AK9: variants seen among roughly 807,000 people sequenced by gnomAD.
The protein encoded by AK9 is adenylate kinase domain containing 1.
In AK9, 191 loss-of-function variants were observed where a neutral mutation model predicts 239.6. The ratio of observed to expected loss-of-function variants is 0.80; its 90% CI spans 0.71 to 0.90. The LOEUF (loss-of-function observed/expected upper bound fraction) is 0.90. AK9 is among the 40% of genes least tolerant of loss of function. The pLI is 0.00. For synonymous variants in AK9, 689 were observed against 721.0 expected, an observed-to-expected ratio of 0.96 and a Z score of 0.71; for missense variants, 1,995 against 2,214.7, an observed-to-expected ratio of 0.90 and a Z score of 1.99.
At chr6:109,512,676 C>G (rs1413316936) in intron 32 of AK9, among the ~76,000 whole-genome samples, 2 of 152,180 alleles carry the variant, frequency 1.3e-5, no homozygotes, top group African/African-American at 4.8e-5. Context: ...GGAAATGTAT[C>G]CTATATCTGC....
intron 32 of AK9, among the ~76,000 whole-genome samples, chr6:109,510,035 T>G (rs944336795): frequency 1.3e-5 from 2 of 151,956 alleles, no homozygotes; most frequent in Non-Finnish European, 1.5e-5. Context: ...GGGCCATTGA[T>G]TCCTGGCAGA....
intron 20 of AK9, among the ~76,000 whole-genome samples, chr6:109,578,460 T>G (rs903937708): frequency 1.2e-4 from 19 of 152,334 alleles, no homozygotes; most frequent in African/African-American, 4.6e-4. Flanking sequence ...GCTTATCTTT[T>G]CAAAGAACCA....
At position 109,509,193 on chromosome 6, in the gene AK9, C is replaced by T; in HGVS notation, c.4467G>A (p.Val1489=). ...QALELSLMES[V]CNTAGVVIDG... ...CATTCACTTACCCTGCAGTATTGCA[C>T]ACACTTTCCATCAGAGAAAGTTCTA... is the stretch of plus-strand genomic sequence containing the variant. Residue 1489 remains valine (V), a synonymous_variant, in exon 33 of 41, where the codon GTG becomes GTA. Coordinates refer to ENST00000424296, the MANE Select transcript of AK9 (RefSeq NM_001145128.3). 6.4e-7 allele frequency: 1 copy of T among 1,552,194 alleles called. No homozygotes were observed. Among genetic ancestry groups the T allele is most frequent in the Non-Finnish European group, 8.7e-7 (1 of 1,147,068 alleles).
chr6:109,604,582 C>G (rs1483929293), intron 17 of AK9, among the ~76,000 whole-genome samples: 1 of 152,116 alleles, frequency 6.6e-6, no homozygotes, highest in Non-Finnish European at 1.5e-5. Context: ...TTGCTTCTGG[C>G]ATGTTTATCA....
chr6:109,605,755 A>G (rs371442191), intron 17 of AK9, among the ~76,000 whole-genome samples: 1 of 152,162 alleles, frequency 6.6e-6, no homozygotes, highest in Non-Finnish European at 1.5e-5. Context: ...GGTTTGAGGG[A>G]TGAGGACTTG....
At chr6:109,640,668 C>T (rs1351225861) in intron 10 of AK9, among the ~76,000 whole-genome samples, 1 of 151,966 alleles carries the variant, frequency 6.6e-6, no homozygotes, top group East Asian at 1.9e-4. Flanking sequence ...CCTTCCACCT[C>T]AGCCTTCCAA....
intron 17 of AK9, among the ~76,000 whole-genome samples, chr6:109,588,133 C>A (rs1036999180): frequency 1.3e-5 from 2 of 151,452 alleles, no homozygotes; most frequent in African/African-American, 4.9e-5. Context: ...TGCAGTGGCG[C>A]GATCTCGACT....
intron 5 of AK9, among the ~76,000 whole-genome samples, chr6:109,667,053 C>T (rs906802151): frequency 2.0e-5 from 3 of 151,982 alleles, no homozygotes; most frequent in South Asian, 4.2e-4. Context: ...GATATAGCTC[C>T]GAGAAGCTGA....
At chr6:109,531,142 C>T (rs1781189405) in intron 28 of AK9, among the ~76,000 whole-genome samples, 1 of 152,114 alleles carries the variant, frequency 6.6e-6, no homozygotes, top group Non-Finnish European at 1.5e-5. Flanking sequence ...TTGAGAAATA[C>T]TGAGAAAAAA....
Position 109,514,440 on chromosome 6 carries a change from GC to G in AK9, c.4066-4del. On this transcript the variant is annotated splice_region_variant and splice_polypyrimidine_tract_variant and intron_variant, in intron 31 of 40. Coordinates refer to ENST00000424296, the MANE Select transcript of AK9 (RefSeq NM_001145128.3). ...TTGATTGTCTCTCCTTCACTTAGCT[GC>G]AACATATACACAGTTGAATTTGAAA... 6.5e-7 allele frequency: 1 copy of G among 1,538,182 alleles called. No individual in the cohort carries two copies. Among genetic ancestry groups the G allele is most frequent in the Non-Finnish European group, 8.8e-7 (1 of 1,140,984 alleles).
chr6:109,579,801 T>C (rs1246948486), intron 19 of AK9, among the ~76,000 whole-genome samples, 175 bp from the exon 20 acceptor site: 1 of 152,166 alleles, frequency 6.6e-6, no homozygotes, highest in African/African-American at 2.4e-5. Flanking sequence ...CATTTTCTTC[T>C]GGGGGAGAAA....
At chr6:109,675,049 C>T (rs1028254232) in intron 2 of AK9, among the ~76,000 whole-genome samples, 2 of 152,202 alleles carry the variant, frequency 1.3e-5, no homozygotes, top group Non-Finnish European at 2.9e-5. Context: ...GGTCCCCTAA[C>T]ATGCTGTAGG....
intron 17 of AK9, among the ~76,000 whole-genome samples, chr6:109,602,516 T>G (rs1288126079): frequency 6.6e-6 from 1 of 152,194 alleles, no homozygotes; most frequent in Non-Finnish European, 1.5e-5. Flanking sequence ...ATTTTTTCCT[T>G]CATTTCAACT....
intron 35 of AK9, among the ~76,000 whole-genome samples, chr6:109,499,441 T>C (rs1156767530): frequency 6.6e-6 from 1 of 152,210 alleles, no homozygotes; most frequent in Non-Finnish European, 1.5e-5. Context: ...ATCATCACTG[T>C]TGGATTTGTA....
At chr6:109,681,716 T>C (rs1210168673) in intron 1 of AK9, among the ~76,000 whole-genome samples, 1 of 152,092 alleles carries the variant, frequency 6.6e-6, no homozygotes, top group Non-Finnish European at 1.5e-5. Context: ...CCTCAGTAAA[T>C]GCAAAAGAAC....
At chr6:109,627,387 T>C (rs1468616757) in intron 12 of AK9, among the ~76,000 whole-genome samples, 1 of 152,220 alleles carries the variant, frequency 6.6e-6, no homozygotes, top group South Asian at 2.1e-4. Context: ...AAGTACAGTA[T>C]TGTAAATACT....
In AK9 at chr6:109,610,459, G is replaced by T; in HGVS notation, c.1748C>A (p.Thr583Asn). 1.3e-6 allele frequency: 2 copies of T among 1,551,300 alleles called. No homozygotes were observed. Among genetic ancestry groups the T allele is most frequent in the Non-Finnish European group, 1.7e-6 (2 of 1,146,820 alleles). The change falls in exon 17 of 41, where the codon ACC (threonine) becomes AAC (asparagine). Residue 583 changes from threonine to asparagine, a missense_variant. By Grantham distance (65) the Thr-to-Asn change is moderately conservative. Transcript: ENST00000424296. ...CATTTTTATAGTCTCTTCAATCATG[G>T]TCACAACCTCTGGATGATCTGCAGT... ...EVTADHPEVV[T>N]MIEETIKMSQ... is the part of the protein sequence containing the mutation.
chr6:109,598,781 T>C (rs1791451665), intron 17 of AK9, among the ~76,000 whole-genome samples: 1 of 152,206 alleles, frequency 6.6e-6, no homozygotes, highest in Non-Finnish European at 1.5e-5. Context: ...TGGTGTGAGA[T>C]GGTATCTCAT....
At chr6:109,583,273 C>T (rs1372478484) in intron 19 of AK9, among the ~76,000 whole-genome samples, 2 of 152,102 alleles carry the variant, frequency 1.3e-5, no homozygotes, top group African/African-American at 2.4e-5. Flanking sequence ...AAGAATTTTG[C>T]TGCCAGTTCT....
Sources: allele counts gnomAD v4.1 joint callset (sites outside exome capture counted in the v4.1 genomes callset), GRCh38; gene constraint gnomAD v4.1.1; transcripts MANE v1.5; gene names NCBI Gene and HGNC (gene_info 2026-07-23, HGNC 2026-07-21).